The following RABGAP1L variants were observed in gnomAD, a reference collection of about 807,000 sequenced individuals.
RABGAP1L encodes RAB GTPase activating protein 1 like.
In RABGAP1L, 63 loss-of-function variants were observed where a neutral mutation model predicts 137.7. That is an observed-to-expected ratio of 0.46 (90% CI 0.37 to 0.56). The LOEUF (loss-of-function observed/expected upper bound fraction) is 0.56. RABGAP1L is among the 20% of genes least tolerant of loss of function. The pLI is 0.00. For missense variants in RABGAP1L, 1,095 were observed against 1,244.0 expected (o/e 0.88, Z 1.80); for synonymous variants, 431 against 433.7 (o/e 0.99, Z 0.08).
intron 13 of RABGAP1L, among the ~76,000 whole-genome samples, chr1:174,534,775 C>CAAAAAAAAAAAAAAAAAAA (rs71117567): frequency 6.3e-4 from 45 of 71,622 alleles, no homozygotes; most frequent in East Asian, 1.5e-3. Context: ...ACTCTGTCTC[C>CAAAAAAAAAAAAAAAAAAA]AAAAAAAAAA....
chr1:174,838,913 G>A (rs1331051519), intron 19 of RABGAP1L, among the ~76,000 whole-genome samples: 2 of 38,998 alleles, frequency 5.1e-5, no homozygotes, highest in East Asian at 9.2e-4. Context: ...GCGAGACTCC[G>A]TCTCAAAAAA....
At chr1:174,698,225 T>A (rs1679400010) in intron 15 of RABGAP1L, among the ~76,000 whole-genome samples, 2 of 152,356 alleles carry the variant, frequency 1.3e-5, no homozygotes, top group South Asian at 4.1e-4. Context: ...TTTTTCTGTA[T>A]GCTTGGTGTA....
intron 19 of RABGAP1L, among the ~76,000 whole-genome samples, chr1:174,909,720 A>G (rs1404603693): frequency 6.6e-6 from 1 of 152,260 alleles, no homozygotes; most frequent in Non-Finnish European, 1.5e-5. Flanking sequence ...AACCTCAGAA[A>G]TACAAAGCAT....
chr1:174,210,744 G>T (rs958117088), intron 1 of RABGAP1L, among the ~76,000 whole-genome samples: 3 of 152,052 alleles, frequency 2.0e-5, no homozygotes, highest in Admixed American at 1.3e-4. Flanking sequence ...GTACAAGAAG[G>T]TTATAGAACA....
intron 19 of RABGAP1L, among the ~76,000 whole-genome samples, chr1:174,869,725 A>G (rs936805133): frequency 1.3e-5 from 2 of 152,168 alleles, no homozygotes; most frequent in African/African-American, 4.8e-5. Flanking sequence ...CGATATTAAG[A>G]GACGGGATCT....
intron 19 of RABGAP1L, chr1:174,945,896 T>C (rs1666654310): frequency 6.6e-6 from 1 of 152,164 alleles, no homozygotes; most frequent in Admixed American, 6.5e-5. Context: ...TTCAGAAGGC[T>C]GTGAGAGGAG....
At position 174,490,096 on chromosome 1, in the gene RABGAP1L, AGTTT is replaced by A. The variant is rs548541138; in HGVS notation, c.1710+95957_1710+95960del. ...AAGAGTGGTCCCTGGTGCCCTATTTAGTTTGTTTGGTGAGGTCATGCTTTCCTGG... is the reference window on the plus strand; with the variant it reads ...AAGAGTGGTCCCTGGTGCCCTATTTAGTTTGGTGAGGTCATGCTTTCCTGG... On this transcript the variant is annotated intron_variant, in intron 13 of 25. Transcript: ENST00000681986. Among the ~76,000 whole-genome samples, 60 of 151,858 alleles carry A rather than the reference AGTTT, an allele frequency of 4.0e-4. No individual in the cohort carries two copies. The East Asian group carries it at 9.3e-3, about 24-fold the overall frequency.
In RABGAP1L at chr1:174,241,617, A is replaced by G. The variant is rs1299427479; in HGVS notation, c.677A>G (p.Glu226Gly). 6.2e-7 allele frequency: 1 copy of G among 1,613,816 alleles called. No individual in the cohort carries two copies. The change falls in exon 5 of 26, where the codon GAA becomes GGA. Residue 226 changes from glutamate (E) to glycine (G), a missense_variant. Coordinates refer to ENST00000681986, the MANE Select transcript of RABGAP1L (RefSeq NM_001366446.1). ...ACAGAGAGTTCCCATGGTTCGGAAG[A>G]ATTTCAGATACATGTTTTCTCCTGT... ...AFTESSHGSEEFQIHVFSCEI... is the reference protein window; with the variant it reads ...AFTESSHGSEGFQIHVFSCEI...
chr1:174,298,252 G>T (rs547467340), intron 10 of RABGAP1L, among the ~76,000 whole-genome samples: 1 of 151,784 alleles, frequency 6.6e-6, no homozygotes, highest in Non-Finnish European at 1.5e-5. Context: ...TTGCATCCCC[G>T]AGTTCTGGTG....
chr1:174,600,033 CAGTTCGA>C (rs1275531323), intron 13 of RABGAP1L, among the ~76,000 whole-genome samples: 1 of 152,134 alleles, frequency 6.6e-6, no homozygotes, highest in Non-Finnish European at 1.5e-5. Context: ...ATTGGACTTA[CAGTTCGA>C]CATGGCTGAG....
chr1:174,213,428 A>G (rs1239460183), intron 1 of RABGAP1L, among the ~76,000 whole-genome samples: 2 of 152,318 alleles, frequency 1.3e-5, no homozygotes, highest in East Asian at 1.9e-4. Flanking sequence ...TACTCAAACT[A>G]TTCCAAAAAA....
intron 13 of RABGAP1L, among the ~76,000 whole-genome samples, chr1:174,411,366 G>A (rs1056101618): frequency 6.6e-6 from 1 of 152,028 alleles, no homozygotes; most frequent in African/African-American, 2.4e-5. Flanking sequence ...TTTGCTGTGG[G>A]TTTGTCATGA....
chr1:174,420,835 C>T (rs891422960), intron 13 of RABGAP1L, among the ~76,000 whole-genome samples: 14 of 151,924 alleles, frequency 9.2e-5, no homozygotes, highest in East Asian at 1.9e-4. Context: ...CCACCACGCC[C>T]GGCTAATTTT....
chr1:174,541,290 C>G (rs1349779214), intron 13 of RABGAP1L, among the ~76,000 whole-genome samples: 2 of 152,130 alleles, frequency 1.3e-5, no homozygotes, highest in African/African-American at 4.8e-5. Flanking sequence ...ATTTCTTTCT[C>G]CTGCCTGACT....
Position 174,284,950 on chromosome 1 carries a change from A to G in RABGAP1L, c.1323+6171A>G, listed in dbSNP as rs937739444. On this transcript the variant is annotated intron_variant, in intron 10 of 25. Transcript: ENST00000681986. ...CATTTCAACAATATTTTTCCAATCC[A>G]TGAACATGAGATAACTTTCCATCTA... is the stretch of plus-strand genomic sequence containing the variant. 2.6e-5 allele frequency among the ~76,000 whole-genome samples: 4 copies of G among 152,078 alleles called. 1 individual carries two copies. Among genetic ancestry groups the G allele is most frequent in the Admixed American group, 2.0e-4 (3 of 15,260 alleles).
At chr1:174,309,102 T>C (rs1678574703) in intron 11 of RABGAP1L, among the ~76,000 whole-genome samples, 1 of 152,076 alleles carries the variant, frequency 6.6e-6, no homozygotes, top group Admixed American at 6.6e-5. Context: ...ATGGGTTAAA[T>C]TTATTTCTAA....
chr1:174,582,209 C>CAA (rs200849775), intron 13 of RABGAP1L, among the ~76,000 whole-genome samples: 1 of 151,668 alleles, frequency 6.6e-6, no homozygotes, highest in Non-Finnish European at 1.5e-5. Context: ...CCCATCTGTA[C>CAA]AAAAAAATAC....
At chr1:174,585,305 A>G (rs1395401243) in intron 13 of RABGAP1L, among the ~76,000 whole-genome samples, 1 of 152,154 alleles carries the variant, frequency 6.6e-6, no homozygotes, top group Non-Finnish European at 1.5e-5. Flanking sequence ...ACAGCTCATT[A>G]TCTAATTTTA....
intron 19 of RABGAP1L, among the ~76,000 whole-genome samples, chr1:174,838,873 G>A (rs113028315): frequency 3.4e-5 from 4 of 118,312 alleles, no homozygotes; most frequent in African/African-American, 1.3e-4. Context: ...AGCCGAGATC[G>A]CACCACTGCA....
Sources: gnomAD v4.1 joint callset for allele counts (sites outside exome capture counted in the v4.1 genomes callset) on GRCh38, gnomAD v4.1.1 for gene constraint, MANE v1.5 for transcripts, NCBI Gene and HGNC (gene_info 2026-07-23, HGNC 2026-07-21) for gene names.